The following IL1RAPL1 variants were observed in gnomAD, a reference collection of about 807,000 sequenced individuals.
The protein encoded by IL1RAPL1 is interleukin-1 receptor accessory protein-like 1.
In IL1RAPL1, 3 loss-of-function variants were observed where a neutral mutation model predicts 48.4. That is an observed-to-expected ratio of 0.06 (90% CI 0.03 to 0.16). The LOEUF (loss-of-function observed/expected upper bound fraction) is 0.16, where lower values mean the gene tolerates loss of function less well. Ranked by LOEUF, IL1RAPL1 falls within the 10% of genes least tolerant of loss-of-function variation. The pLI, the probability that IL1RAPL1 is intolerant of heterozygous loss-of-function variation, is 1.00. For missense variants in IL1RAPL1, 349 were observed against 530.6 expected (o/e 0.66, Z 3.36); for synonymous variants, 185 against 187.7 (o/e 0.99, Z 0.12).
chrX:29,786,922 A>G (rs991633907), intron 6 of IL1RAPL1, among the ~76,000 whole-genome samples: 4 of 111,760 alleles, frequency 3.6e-5, no homozygotes, highest in Non-Finnish European at 7.5e-5. Flanking sequence ...GTCTGGGTGT[A>G]TAAGGCAGGG....
At chrX:28,844,808 C>T (rs1319454598) in intron 2 of IL1RAPL1, among the ~76,000 whole-genome samples, 1 of 111,191 alleles carries the variant, frequency 9.0e-6, no homozygotes, top group Non-Finnish European at 1.9e-5. Context: ...GAGGAAAGAA[C>T]ATGTTACTTG....
chrX:29,276,924 G>A (rs1480291722), intron 2 of IL1RAPL1, among the ~76,000 whole-genome samples: 1 of 111,790 alleles, frequency 8.9e-6, no homozygotes, highest in East Asian at 2.8e-4. Flanking sequence ...TATAGAGATG[G>A]CGATAGAGAT....
At chrX:29,201,687 T>C (rs947319928) in intron 2 of IL1RAPL1, among the ~76,000 whole-genome samples, 3 of 103,440 alleles carry the variant, frequency 2.9e-5, no homozygotes, top group African/African-American at 1.2e-4. Flanking sequence ...AGTATAATCA[T>C]TATTGATTTT....
intron 2 of IL1RAPL1, among the ~76,000 whole-genome samples, chrX:28,835,161 A>G (rs971623556): frequency 9.0e-6 from 1 of 111,310 alleles, no homozygotes; most frequent in African/African-American, 3.3e-5. Context: ...TATCACGTTA[A>G]TATCTGGATT....
intron 1 of IL1RAPL1, among the ~76,000 whole-genome samples, chrX:28,629,719 G>T (rs1446098231): frequency 1.8e-5 from 2 of 111,440 alleles, no homozygotes; most frequent in South Asian, 7.5e-4. Context: ...TATCCATGGT[G>T]GTCAATGACT....
rs1049349533 is a variant in IL1RAPL1 at position 28,974,334 on chromosome X, C to T, written c.82+184909C>T. ...AGGACATTATATGACCTTTGCTAAACGTCCAATTTTTGTTGTTTAATTATT... is the reference window on the plus strand; with the variant it reads ...AGGACATTATATGACCTTTGCTAAATGTCCAATTTTTGTTGTTTAATTATT... On this transcript the variant is annotated intron_variant, in intron 2 of 10. Transcript: ENST00000378993. Among the ~76,000 whole-genome samples the T allele has an allele frequency of 5.4e-5, 6 of 111,948 alleles. No individual in the cohort carries two copies. In the East Asian group the frequency reaches 1.4e-3, roughly 26 times the overall value.
At chrX:29,840,067 C>T (rs1207340521) in intron 6 of IL1RAPL1, among the ~76,000 whole-genome samples, 1 of 112,035 alleles carries the variant, frequency 8.9e-6, no homozygotes, top group Non-Finnish European at 1.9e-5. Flanking sequence ...ACTGGGGGGT[C>T]GCAGGCTAGA....
At chrX:28,913,367 T>A (rs1465660443) in intron 2 of IL1RAPL1, among the ~76,000 whole-genome samples, 3 of 111,775 alleles carry the variant, frequency 2.7e-5, no homozygotes, top group African/African-American at 9.8e-5. Flanking sequence ...TTGAATTACA[T>A]ACATAATTTT....
intron 6 of IL1RAPL1, among the ~76,000 whole-genome samples, chrX:29,674,155 G>A (rs1926211704): frequency 8.9e-6 from 1 of 111,947 alleles, no homozygotes; most frequent in Non-Finnish European, 1.9e-5. Context: ...GGCCAGTCAC[G>A]GTAGCTCACT....
chrX:29,418,112 TATATATATATA>T (rs1203609107), intron 5 of IL1RAPL1, among the ~76,000 whole-genome samples: 35 of 49,015 alleles, frequency 7.1e-4, no homozygotes, highest in African/African-American at 2.5e-3. Flanking sequence ...TATATATATA[TATATATATATA>T]TATTTTTTTT....
At chrX:29,388,632 G>A (rs190059879) in intron 3 of IL1RAPL1, among the ~76,000 whole-genome samples, 15 of 112,211 alleles carry the variant, frequency 1.3e-4, no homozygotes, top group African/African-American at 1.6e-4. Flanking sequence ...ATACTACAGC[G>A]TGGATGAACC....
At chrX:29,307,882 G>T (rs1180155417) in intron 3 of IL1RAPL1, among the ~76,000 whole-genome samples, 1 of 111,885 alleles carries the variant, frequency 8.9e-6, no homozygotes, top group Non-Finnish European at 1.9e-5. Flanking sequence ...CAAGTAACTA[G>T]GTTATTGCAT....
At chrX:29,014,106 T>C in intron 2 of IL1RAPL1, among the ~76,000 whole-genome samples, 1 of 111,809 alleles carries the variant, frequency 8.9e-6, no homozygotes, top group East Asian at 2.8e-4. Context: ...TGCTCATTCC[T>C]CACATCAAAC....
chrX:29,829,668 T>C (rs1316546591), intron 6 of IL1RAPL1, among the ~76,000 whole-genome samples: 3 of 111,439 alleles, frequency 2.7e-5, no homozygotes, highest in Non-Finnish European at 5.6e-5. Flanking sequence ...GAATTAGTGG[T>C]ATTTTTTCTA....
intron 2 of IL1RAPL1, among the ~76,000 whole-genome samples, chrX:28,950,903 A>G (rs754339976): frequency 9.2e-6 from 1 of 109,007 alleles, no homozygotes; most frequent in Admixed American, 9.9e-5. Context: ...ATGGATTAAG[A>G]AAATGTGGCA....
rs1312304590 is a variant in IL1RAPL1 at position 29,468,657 on chromosome X, G to C, written c.703+69349G>C. On this transcript the variant is annotated intron_variant, in intron 5 of 10. Coordinates refer to ENST00000378993, the MANE Select transcript of IL1RAPL1 (RefSeq NM_014271.4). ...ACGAAGCCACTCTGTGGTGTCTATTGAGCTAAAGTCAATTAATCACAGGGT... is the reference window on the plus strand; with the variant it reads ...ACGAAGCCACTCTGTGGTGTCTATTCAGCTAAAGTCAATTAATCACAGGGT... 1.1e-4 allele frequency among the ~76,000 whole-genome samples: 12 copies of C among 111,782 alleles called. 1 individual carries two copies.
intron 2 of IL1RAPL1, among the ~76,000 whole-genome samples, chrX:29,200,971 T>G (rs1342966100): frequency 9.0e-6 from 1 of 111,294 alleles, no homozygotes; most frequent in Admixed American, 9.6e-5. Context: ...TGATCCTCTC[T>G]CTCCTGCCAC....
chrX:28,841,206 C>T (rs913155312), intron 2 of IL1RAPL1, among the ~76,000 whole-genome samples: 3 of 110,460 alleles, frequency 2.7e-5, no homozygotes, highest in African/African-American at 9.8e-5. Context: ...TACCAGTAGA[C>T]AAATTTACAC....
At chrX:29,126,447 G>A (rs983182862) in intron 2 of IL1RAPL1, among the ~76,000 whole-genome samples, 4 of 112,347 alleles carry the variant, frequency 3.6e-5, no homozygotes, top group African/African-American at 1.3e-4. Context: ...CACAGAAAAA[G>A]TTATATGTCA....
Sources: allele counts gnomAD v4.1 joint callset (sites outside exome capture counted in the v4.1 genomes callset), GRCh38; gene constraint gnomAD v4.1.1; transcripts MANE v1.5; gene names NCBI Gene and HGNC (gene_info 2026-07-23, HGNC 2026-07-21).